The following RIMS1 variants were observed in gnomAD, a reference collection of about 807,000 sequenced individuals.
RIMS1 encodes regulating synaptic membrane exocytosis protein 1.
Under a neutral mutation model 214.1 loss-of-function variants are expected in RIMS1, and 83 were observed. The ratio of observed to expected loss-of-function variants is 0.39; its 90% confidence interval spans 0.32 to 0.47. RIMS1 has a LOEUF of 0.47. Ranked by LOEUF, RIMS1 falls within the 20% of genes least tolerant of loss-of-function variation. RIMS1 has a pLI of 0.99. For synonymous variants in RIMS1, 793 were observed against 786.8 expected (o/e 1.01, Z -0.13); for missense variants, 2,050 against 2,161.8 (o/e 0.95, Z 1.03).
rs35395914 is a variant in RIMS1 at position 71,986,190 on chromosome 6, GTT to G, written c.245+17144_245+17145del. Among the ~76,000 whole-genome samples the G allele has an allele frequency of 4.3e-3, 570 of 131,764 alleles. 1 individual carries two copies. The highest frequency in any genetic ancestry group is 0.01 in the African/African-American group (360 of 35,792). 86.4% of individuals were successfully genotyped at this position (131,764 alleles called of 152,430 possible). On this transcript the variant is annotated intron_variant, in intron 2 of 33. Coordinates refer to ENST00000521978, the MANE Select transcript of RIMS1 (RefSeq NM_014989.7). ...AGAAACCATCACAACTTTGGGTTTT[GTT>G]TTTTTTTTTTTTTTTTAATGTTTCA...
intron 1 of RIMS1, among the ~76,000 whole-genome samples, chr6:71,949,159 T>A (rs1583287901): frequency 6.6e-6 from 1 of 152,304 alleles, no homozygotes; most frequent in East Asian, 1.9e-4. Flanking sequence ...AATATGCTAG[T>A]GCAGATTCAG....
chr6:71,932,156 T>G (rs1249104745), intron 1 of RIMS1, among the ~76,000 whole-genome samples: 1 of 152,158 alleles, frequency 6.6e-6, no homozygotes, highest in Non-Finnish European at 1.5e-5. Flanking sequence ...TAAATCATAC[T>G]ATTATAAAGA....
chr6:71,991,987 C>T (rs192941086), intron 2 of RIMS1, among the ~76,000 whole-genome samples: 3 of 151,964 alleles, frequency 2.0e-5, no homozygotes, highest in Admixed American at 6.6e-5. Context: ...ATCACTTTAA[C>T]GGGGAGGCAA....
rs576528041 is a variant in RIMS1, at chr6:72,147,010, C to T, written c.472-32565C>T. Among the ~76,000 whole-genome samples, 325 of 152,232 alleles carry T rather than the reference C, an allele frequency of 2.1e-3. 4 individuals carry two copies. Among genetic ancestry groups the T allele is most frequent in the African/African-American group, 6.9e-3 (286 of 41,518 alleles). On this transcript the variant is annotated intron_variant, in intron 4 of 33. Transcript: ENST00000521978. Reference sequence around the variant, plus strand: ...CCAACTGTAAAGCAGGCAAGTCAAACGATTTTCAAAAGCCAAAGAAGCAGT... The same window carrying T: ...CCAACTGTAAAGCAGGCAAGTCAAATGATTTTCAAAAGCCAAAGAAGCAGT...
intron 2 of RIMS1, among the ~76,000 whole-genome samples, chr6:72,024,642 C>T (rs1815778112): frequency 6.6e-6 from 1 of 152,022 alleles, no homozygotes; most frequent in South Asian, 2.1e-4. Context: ...AATATCTCCA[C>T]CAGCTTTCAA....
chr6:72,140,670 G>A (rs924354881), intron 4 of RIMS1, among the ~76,000 whole-genome samples: 2 of 152,044 alleles, frequency 1.3e-5, no homozygotes, highest in African/African-American at 4.8e-5. Context: ...TGTTAGTGCT[G>A]TAAGACCTCT....
chr6:72,242,825 A>T (rs559825125), intron 10 of RIMS1, among the ~76,000 whole-genome samples: 5 of 152,014 alleles, frequency 3.3e-5, no homozygotes, highest in African/African-American at 1.2e-4. Context: ...TAATGATTTC[A>T]TATGTCTACA....
At chr6:72,232,535 GGA>G (rs2062387730) in intron 6 of RIMS1, among the ~76,000 whole-genome samples, 1 of 151,566 alleles carries the variant, frequency 6.6e-6, no homozygotes, top group Admixed American at 6.6e-5. Flanking sequence ...TATGTGATTT[GGA>G]GAGAGATATG....
chr6:72,392,689 T>G lies in RIMS1; in HGVS notation c.4506-9T>G, dbSNP rs974820639. 1 of 1,584,050 alleles carries G rather than the reference T, an allele frequency of 6.3e-7. No individual in the cohort carries two copies. Among genetic ancestry groups the G allele is most frequent in the African/African-American group, 1.3e-5 (1 of 74,610 alleles). ...TTTTTTCCTTTGGTTTTTATCCTTTTGCTGATAGTTTAATATTTCCTGGAG... is the reference window on the plus strand; with the variant it reads ...TTTTTTCCTTTGGTTTTTATCCTTTGGCTGATAGTTTAATATTTCCTGGAG... On this transcript the variant is annotated splice_polypyrimidine_tract_variant and intron_variant, in intron 30 of 33. Coordinates refer to ENST00000521978, the MANE Select transcript of RIMS1 (RefSeq NM_014989.7).
At chr6:72,186,783 C>CT (rs1012873078) in intron 6 of RIMS1, among the ~76,000 whole-genome samples, 3 of 151,230 alleles carry the variant, frequency 2.0e-5, no homozygotes, top group Non-Finnish European at 4.4e-5. Context: ...ATATGTACCC[C>CT]CCCCCATATA....
chr6:72,087,064 T>G (rs750931347), intron 2 of RIMS1, among the ~76,000 whole-genome samples: 11 of 152,238 alleles, frequency 7.2e-5, no homozygotes, highest in Admixed American at 1.3e-4. Flanking sequence ...GTCCAAGTTT[T>G]ACGTTGATTT....
intron 28 of RIMS1, among the ~76,000 whole-genome samples, chr6:72,324,057 T>C (rs1234876993): frequency 1.3e-5 from 2 of 151,604 alleles, no homozygotes; most frequent in Non-Finnish European, 2.9e-5. Flanking sequence ...GATAGATAGA[T>C]AGATAGATAG....
At chr6:72,197,843 A>G (rs756504990) in intron 6 of RIMS1, among the ~76,000 whole-genome samples, 6 of 152,120 alleles carry the variant, frequency 3.9e-5, no homozygotes, top group Non-Finnish European at 8.8e-5. Context: ...GATGAGTACA[A>G]AGATTATAAT....
At chr6:72,011,562 A>T (rs186930930) in intron 2 of RIMS1, among the ~76,000 whole-genome samples, 1 of 152,236 alleles carries the variant, frequency 6.6e-6, no homozygotes, top group Non-Finnish European at 1.5e-5. Flanking sequence ...ATCGGAGAAA[A>T]TTTTTGCAAT....
chr6:72,302,299 A>G (rs1359169276), intron 26 of RIMS1, among the ~76,000 whole-genome samples: 1 of 151,620 alleles, frequency 6.6e-6, no homozygotes, highest in African/African-American at 2.4e-5. Context: ...AAAGTCTAAA[A>G]AACTGTGGGC....
At chr6:72,006,764 G>A (rs1293964592) in intron 2 of RIMS1, among the ~76,000 whole-genome samples, 3 of 152,246 alleles carry the variant, frequency 2.0e-5, no homozygotes, top group African/African-American at 7.2e-5. Flanking sequence ...CAAGGCAGCA[G>A]TGAGGCTGGG....
chr6:72,251,208 C>T lies in RIMS1; in HGVS notation c.2545-7C>T. 1.3e-6 allele frequency: 2 copies of T among 1,590,582 alleles called. No homozygotes were observed. Among genetic ancestry groups the T allele is most frequent in the African/African-American group, 1.3e-5 (1 of 74,606 alleles). On this transcript the variant is annotated splice_polypyrimidine_tract_variant and splice_region_variant and intron_variant, in intron 14 of 33. Transcript: ENST00000521978. The stretch of plus-strand genomic sequence containing the variant: ...TACTTGATTTAATTTGAGAATTACC[C>T]TCTCAGATCCTCATAGAATTGGAGA...
intron 11 of RIMS1, among the ~76,000 whole-genome samples, chr6:72,246,942 C>T (rs909679215): frequency 6.6e-6 from 1 of 151,968 alleles, no homozygotes; most frequent in East Asian, 1.9e-4. Flanking sequence ...TAAATGTTTT[C>T]GGAGGGCACA....
chr6:72,328,253 A>G (rs1203940926), intron 28 of RIMS1, among the ~76,000 whole-genome samples: 1 of 151,878 alleles, frequency 6.6e-6, no homozygotes, highest in Non-Finnish European at 1.5e-5. Context: ...GAGTTGAACA[A>G]TGACAACACA....
Sources: allele counts gnomAD v4.1 joint callset (sites outside exome capture counted in the v4.1 genomes callset), GRCh38; gene constraint gnomAD v4.1.1; transcripts MANE v1.5; gene names NCBI Gene and HGNC (gene_info 2026-07-23, HGNC 2026-07-21).